The following PCNX1 variants were observed in gnomAD, a reference collection of about 807,000 sequenced individuals.
The protein encoded by PCNX1 is pecanex 1.
PCNX1 carries 78 observed loss-of-function variants against 242.2 expected under a neutral mutation model. That is an observed-to-expected ratio of 0.32 (90% CI 0.27 to 0.39). PCNX1 has a LOEUF of 0.39. Among genes scored for constraint, PCNX1 ranks in the 10% least tolerant of loss-of-function variants. The probability of loss-of-function intolerance (pLI) is 1.00; values close to 1 mark genes in which losing one functional copy is unlikely to be tolerated. For missense variants in PCNX1, 2,581 were observed against 2,856.5 expected (o/e 0.90, Z 2.20); for synonymous variants, 1,024 against 1,032.9 (o/e 0.99, Z 0.17).
At chr14:70,991,202 CCT>C (rs1491374692) in intron 7 of PCNX1, among the ~76,000 whole-genome samples, 2 of 136,478 alleles carry the variant, frequency 1.5e-5, no homozygotes, top group Admixed American at 1.7e-4. Flanking sequence ...TTGTGTACTA[CCT>C]TTTTTTTTTT....
Position 71,051,879 on chromosome 14 carries a change from A to G in PCNX1, c.4448-4A>G, listed in dbSNP as rs10135836. 11 of 1,610,564 alleles carry G rather than the reference A, an allele frequency of 6.8e-6. No individual in the cohort carries two copies. Among genetic ancestry groups the G allele is most frequent in the African/African-American group, 2.7e-5 (2 of 74,736 alleles). Reference sequence around the variant, plus strand: ...GTCAGTGTCCTTAACTAGTTTTCCCATAGATTCAGCCATGCTGTTTATTCA... The same window carrying G: ...GTCAGTGTCCTTAACTAGTTTTCCCGTAGATTCAGCCATGCTGTTTATTCA... On this transcript the variant is annotated splice_region_variant and splice_polypyrimidine_tract_variant and intron_variant, in intron 23 of 35. Coordinates refer to ENST00000304743, the MANE Select transcript of PCNX1 (RefSeq NM_014982.3).
rs75579941 is a variant in PCNX1, at chr14:70,993,752, G to A, written c.2445-1989G>A. Among the ~76,000 whole-genome samples, 87 of 152,154 alleles carry A rather than the reference G, an allele frequency of 5.7e-4. 1 individual carries two copies. In the East Asian group the frequency reaches 0.015, roughly 25 times the overall value. On this transcript the variant is annotated intron_variant, in intron 7 of 35. Transcript: ENST00000304743. ...TGTAAAATTCTGTGTCTTCTGAATC[G>A]GAAGGGACACAGGGACGTGGTACCT... is the stretch of plus-strand genomic sequence containing the variant.
intron 6 of PCNX1, among the ~76,000 whole-genome samples, chr14:70,982,323 A>G (rs537702394): frequency 4.9e-4 from 75 of 152,328 alleles, no homozygotes; most frequent in Admixed American, 1.6e-3. Flanking sequence ...AGGGATGGGT[A>G]CTTATAGAAG....
chr14:71,086,343 C>T (rs2061988933), intron 28 of PCNX1, among the ~76,000 whole-genome samples: 1 of 152,194 alleles, frequency 6.6e-6, no homozygotes, highest in African/African-American at 2.4e-5. Context: ...ATTATGGGTC[C>T]TATTTTCCTG....
intron 7 of PCNX1, among the ~76,000 whole-genome samples, chr14:70,993,143 CAG>C (rs1024429881): frequency 6.9e-5 from 10 of 143,894 alleles, no homozygotes; most frequent in African/African-American, 1.8e-4. Flanking sequence ...TTTTTTGAGA[CAG>C]AGTCTTGCTC....
chr14:71,013,296 A>G (rs1434595381), intron 11 of PCNX1, 94 bp downstream of exon 11: 12 of 944,438 alleles, frequency 1.3e-5, no homozygotes, highest in East Asian at 2.4e-5. Flanking sequence ...CCTGGTTATC[A>G]TGTTGGGAAA....
intron 1 of PCNX1, among the ~76,000 whole-genome samples, chr14:70,919,577 G>C (rs950066980): frequency 6.6e-6 from 1 of 151,924 alleles, no homozygotes; most frequent in Non-Finnish European, 1.5e-5. Context: ...TACAACAAAC[G>C]TTCTATAGAG....
chr14:71,061,470 T>C (rs1428785822), intron 26 of PCNX1, among the ~76,000 whole-genome samples: 2 of 152,192 alleles, frequency 1.3e-5, no homozygotes, highest in African/African-American at 2.4e-5. Context: ...ATCAAAGTGG[T>C]ATTTCTGCCT....
intron 2 of PCNX1, among the ~76,000 whole-genome samples, chr14:70,948,769 A>G (rs1254356046): frequency 6.7e-6 from 1 of 148,782 alleles, no homozygotes; most frequent in East Asian, 2.0e-4. Flanking sequence ...ATATACACAT[A>G]TATGTATAGT....
At chr14:70,988,149 G>A (rs1298603958) in intron 6 of PCNX1, among the ~76,000 whole-genome samples, 2 of 152,048 alleles carry the variant, frequency 1.3e-5, no homozygotes, top group African/African-American at 4.8e-5. Flanking sequence ...TTTACAATAC[G>A]AATATAAGAA....
chr14:70,908,614 C>T (rs1412855311), intron 1 of PCNX1, among the ~76,000 whole-genome samples: 1 of 152,236 alleles, frequency 6.6e-6, no homozygotes, highest in Non-Finnish European at 1.5e-5. Flanking sequence ...GCTCGGAACC[C>T]TCCTGCCTCT....
intron 28 of PCNX1, chr14:71,085,920 T>A (rs2141608667): frequency 1.2e-5 from 2 of 165,920 alleles, no homozygotes; most frequent in Middle Eastern, 4.2e-3. Flanking sequence ...TCTGTTTTCC[T>A]CTACGCCTTT....
chr14:71,061,824 G>A (rs903224013), intron 26 of PCNX1, among the ~76,000 whole-genome samples: 17 of 152,180 alleles, frequency 1.1e-4, no homozygotes, highest in African/African-American at 3.9e-4. Context: ...TGAGCACCTA[G>A]AGGTGGTTCC....
intron 8 of PCNX1, among the ~76,000 whole-genome samples, chr14:70,997,802 G>A (rs1446815448): frequency 6.6e-6 from 1 of 152,164 alleles, no homozygotes; most frequent in Non-Finnish European, 1.5e-5. Context: ...GGAATTGGTA[G>A]AGAAGCTAGA....
chr14:71,097,357 A>C (rs929741635), intron 30 of PCNX1, among the ~76,000 whole-genome samples: 1 of 152,210 alleles, frequency 6.6e-6, no homozygotes, highest in Non-Finnish European at 1.5e-5. Context: ...GTCAAATGGT[A>C]GTTCTGTTTC....
intron 30 of PCNX1, among the ~76,000 whole-genome samples, chr14:71,095,747 T>C (rs1481143781): frequency 6.6e-6 from 1 of 152,192 alleles, no homozygotes; most frequent in Admixed American, 6.5e-5. Context: ...CACCTCACAG[T>C]TTTCAATGTA....
chr14:71,048,556 GA>G (rs1208230259), intron 22 of PCNX1, among the ~76,000 whole-genome samples: 3 of 152,168 alleles, frequency 2.0e-5, no homozygotes, highest in Non-Finnish European at 4.4e-5. Flanking sequence ...CTTTCTCAGT[GA>G]AATAGGCTGT....
intron 9 of PCNX1, among the ~76,000 whole-genome samples, chr14:71,010,674 C>T (rs1484365360): frequency 2.6e-5 from 4 of 151,956 alleles, no homozygotes; most frequent in Admixed American, 1.3e-4. Context: ...CACTTTGAAG[C>T]CTATTCTTGA....
At chr14:70,937,830 T>C (rs1321167301) in intron 1 of PCNX1, among the ~76,000 whole-genome samples, 1 of 152,222 alleles carries the variant, frequency 6.6e-6, no homozygotes, top group Non-Finnish European at 1.5e-5. Flanking sequence ...TTTATAGTTC[T>C]CCTTGAAGAG....
Sources: allele counts gnomAD v4.1 joint callset (sites outside exome capture counted in the v4.1 genomes callset), GRCh38; gene constraint gnomAD v4.1.1; transcripts MANE v1.5; gene names NCBI Gene and HGNC (gene_info 2026-07-23, HGNC 2026-07-21).